Variants in SBSPON observed in about 807,000 individuals in gnomAD.
SBSPON encodes somatomedin B and thrombospondin type 1 domain containing, also known as somatomedin-B and thrombospondin type-1 domain-containing protein.
Under a neutral mutation model 35.8 loss-of-function variants are expected in SBSPON, and 30 were observed. The observed-to-expected ratio is 0.84, with a 90% CI of 0.63 to 1.14. The LOEUF (loss-of-function observed/expected upper bound fraction) is 1.14. SBSPON is among the 50% of genes most tolerant of loss of function. SBSPON has a pLI of 0.00. For missense variants in SBSPON, 364 were observed against 357.7 expected, an observed-to-expected ratio of 1.02 and a Z score of -0.14; for synonymous variants, 136 against 135.9, an observed-to-expected ratio of 1.00 and a Z score of 0.00.
rs1320574863 is a variant in SBSPON at position 73,067,124 on chromosome 8, C to G, written c.*217G>C. The G allele has an allele frequency of 2.4e-6, 1 of 418,260 alleles. No individual in the cohort carries two copies. Among genetic ancestry groups the G allele is most frequent in the Non-Finnish European group, 4.4e-6 (1 of 229,470 alleles). The allele number at this position is 418,260 out of a possible 1,614,324, so 25.9% of individuals were successfully genotyped here. ...TTGAAAGGTCAAGAACATAAAACCA[C>G]AAGAGCTTTTTGAGTGGGTCTTCAA... On this transcript the variant is annotated 3_prime_UTR_variant, in exon 5 of 5. Coordinates refer to ENST00000297354, the MANE Select transcript of SBSPON (RefSeq NM_153225.4).
chr8:73,074,827 G>A (rs1480805631), intron 2 of SBSPON, among the ~76,000 whole-genome samples: 2 of 152,214 alleles, frequency 1.3e-5, no homozygotes, highest in Non-Finnish European at 2.9e-5. Flanking sequence ...GGGTACCATG[G>A]CCCCTGGTAT....
intron 1 of SBSPON, among the ~76,000 whole-genome samples, chr8:73,089,951 C>T (rs1173387652): frequency 1.3e-5 from 2 of 152,190 alleles, no homozygotes; most frequent in African/African-American, 2.4e-5. Flanking sequence ...ACAACCACAA[C>T]TCACTGTAGT....
intron 2 of SBSPON, 27 bp downstream of exon 2, chr8:73,080,992 A>C: frequency 2.6e-6 from 4 of 1,525,752 alleles, no homozygotes; most frequent in Non-Finnish European, 3.5e-6. Context: ...CAGATAACAA[A>C]GGCAGCAACC....
At chr8:73,078,456 A>G (rs1327093777) in intron 2 of SBSPON, among the ~76,000 whole-genome samples, 10 of 152,158 alleles carry the variant, frequency 6.6e-5, no homozygotes, top group African/African-American at 1.2e-4. Context: ...TTCAGTACAG[A>G]TATGTTAAGA....
At chr8:73,086,546 A>C (rs1398948483) in intron 1 of SBSPON, among the ~76,000 whole-genome samples, 2 of 152,146 alleles carry the variant, frequency 1.3e-5, no homozygotes, top group Non-Finnish European at 2.9e-5. Flanking sequence ...ATGAGACTAC[A>C]TTCCCCAAGT....
At chr8:73,087,551 GTC>G (rs1357222735) in intron 1 of SBSPON, among the ~76,000 whole-genome samples, 2 of 152,154 alleles carry the variant, frequency 1.3e-5, no homozygotes, top group African/African-American at 4.8e-5. Flanking sequence ...CAAAGGCGAT[GTC>G]TCTCAGACTG....
At chr8:73,070,789 A>G (rs1425931555) in intron 3 of SBSPON, among the ~76,000 whole-genome samples, 15 of 152,192 alleles carry the variant, frequency 9.9e-5, no homozygotes, top group Non-Finnish European at 5.9e-5. Flanking sequence ...TTGTAACAGA[A>G]ACTTGTGGCA....
chr8:73,073,480 T>G (rs1438134992), intron 2 of SBSPON, among the ~76,000 whole-genome samples: 1 of 152,170 alleles, frequency 6.6e-6, no homozygotes, highest in Non-Finnish European at 1.5e-5. Context: ...GAGCTTTTCT[T>G]AATGAGGAGT....
At position 73,064,728 on chromosome 8, in the gene SBSPON, G is replaced by T. The variant is rs1646875961; in HGVS notation, c.*2613C>A. 1.1e-5 allele frequency: 1 copy of T among 94,266 alleles called. No individual in the cohort carries two copies. Among genetic ancestry groups the T allele is most frequent in the Admixed American group, 9.0e-5 (1 of 11,108 alleles). 5.8% of individuals were successfully genotyped at this position (94,266 alleles called of 1,614,324 possible). Reference sequence around the variant, plus strand: ...CTCCAAAAAGAATACTGTGATTATAGTTACCTTATTCCTTTTTCTATTCTT... The same window carrying T: ...CTCCAAAAAGAATACTGTGATTATATTTACCTTATTCCTTTTTCTATTCTT... On this transcript the variant is annotated 3_prime_UTR_variant, in exon 5 of 5. Transcript: ENST00000297354.
chr8:73,077,901 A>G (rs1810622451), intron 2 of SBSPON, among the ~76,000 whole-genome samples: 1 of 152,228 alleles, frequency 6.6e-6, no homozygotes, highest in Non-Finnish European at 1.5e-5. Flanking sequence ...CCACATAATA[A>G]AGGCTCTGAA....
chr8:73,080,921 A>T, intron 2 of SBSPON, 98 bp downstream of exon 2: 1 of 1,092,116 alleles, frequency 9.2e-7, no homozygotes, highest in Non-Finnish European at 1.3e-6. Context: ...CCTGTGGTGC[A>T]TGGAACCTTC....
chr8:73,092,832 C>A (rs1389669317), intron 1 of SBSPON, 22 bp downstream of exon 1: 1 of 1,592,890 alleles, frequency 6.3e-7, no homozygotes. Flanking sequence ...GCCGGCGCCC[C>A]ACTCTCGGCC....
intron 2 of SBSPON, among the ~76,000 whole-genome samples, chr8:73,079,531 G>C (rs1308463085): frequency 6.6e-6 from 1 of 151,912 alleles, no homozygotes; most frequent in Non-Finnish European, 1.5e-5. Flanking sequence ...ACACTAGTCT[G>C]CCTGCCTGGG....
chr8:73,071,310 G>A (rs377032159), intron 3 of SBSPON, among the ~76,000 whole-genome samples: 88 of 152,332 alleles, frequency 5.8e-4, no homozygotes, highest in African/African-American at 1.5e-3. Context: ...GGACCTGAGC[G>A]TGCAGCTGTC....
At chr8:73,091,676 C>T (rs995591015) in intron 1 of SBSPON, among the ~76,000 whole-genome samples, 6 of 152,148 alleles carry the variant, frequency 3.9e-5, no homozygotes, top group Non-Finnish European at 8.8e-5. Context: ...GAACTTAGAG[C>T]CAGAAAGGGA....
intron 1 of SBSPON, 66 bp downstream of exon 1, chr8:73,092,788 G>T: frequency 7.6e-7 from 1 of 1,308,358 alleles, no homozygotes; most frequent in Non-Finnish European, 1.1e-6. Flanking sequence ...TTGGCACAGC[G>T]CCCTGCCCTG....
chr8:73,074,453 A>G lies in SBSPON; in HGVS notation c.410-2583T>C, dbSNP rs189211906. On this transcript the variant is annotated intron_variant, in intron 2 of 4. Coordinates refer to ENST00000297354, the MANE Select transcript of SBSPON (RefSeq NM_153225.4). ...CAAGCCTCTTGAGATAGATCCTATT[A>G]TTTCCCCATTTCACAGACAAGAAAA... The G allele has an allele frequency of 1.2e-3, 270 of 229,546 alleles. 3 individuals carry two copies. The Admixed American group carries it at 0.014, about 12-fold the overall frequency. 14.2% of individuals were successfully genotyped at this position (229,546 alleles called of 1,614,324 possible). A position where few individuals can be genotyped will look rare whatever the true frequency, so the allele number is the denominator to read the frequency against.
chr8:73,093,051 A>G lies in SBSPON; in HGVS notation c.17T>C (p.Met6Thr). 7.3e-7 allele frequency: 1 copy of G among 1,371,362 alleles called. No individual in the cohort carries two copies. Among genetic ancestry groups the G allele is most frequent in the Non-Finnish European group, 9.4e-7 (1 of 1,067,718 alleles). 84.9% of individuals were successfully genotyped at this position (1,371,362 alleles called of 1,614,324 possible). A position where few individuals can be genotyped will look rare whatever the true frequency, so the allele number is the denominator to read the frequency against. MRTLW[M>T]ALCALSRLWP... Reference sequence around the variant, plus strand: ...CAGCCGCGACAGCGCGCACAGCGCCATCCACAGGGTCCTCATGGCCAGGGC... The same window carrying G: ...CAGCCGCGACAGCGCGCACAGCGCCGTCCACAGGGTCCTCATGGCCAGGGC... Residue 6 changes from methionine to threonine, a missense_variant, in exon 1 of 5, where the codon ATG (methionine) becomes ACG (threonine). Physicochemically the swap from Met to Thr is moderately conservative, Grantham distance 81. Transcript: ENST00000297354.
rs1034474536 is a variant in SBSPON at position 73,067,104 on chromosome 8, A to G, written c.*237T>C. The G allele has an allele frequency of 6.4e-5, 23 of 361,254 alleles. No individual in the cohort carries two copies. Among genetic ancestry groups the G allele is most frequent in the African/African-American group, 4.5e-4 (22 of 48,808 alleles). 22.4% of individuals were successfully genotyped at this position (361,254 alleles called of 1,614,324 possible). A position where few individuals can be genotyped will look rare whatever the true frequency, so the allele number is the denominator to read the frequency against. On this transcript the variant is annotated 3_prime_UTR_variant, in exon 5 of 5. Transcript: ENST00000297354. ...GCTGAATGAGAGGACTCCAGTTGAA[A>G]GGTCAAGAACATAAAACCACAAGAG...
Sources: allele counts gnomAD v4.1 joint callset (sites outside exome capture counted in the v4.1 genomes callset), GRCh38; gene constraint gnomAD v4.1.1; transcripts MANE v1.5; gene names NCBI Gene and HGNC (gene_info 2026-07-23, HGNC 2026-07-21).